PTAR1: variants seen among roughly 807,000 people sequenced by gnomAD.
PTAR1 encodes protein prenyltransferase alpha subunit repeat containing 1.
In PTAR1, 17 loss-of-function variants were observed where a neutral mutation model predicts 45.5. The ratio of observed to expected loss-of-function variants is 0.37; its 90% confidence interval spans 0.26 to 0.56. The LOEUF (loss-of-function observed/expected upper bound fraction) is 0.56, where lower values mean the gene tolerates loss of function less well. Ranked by LOEUF, PTAR1 falls within the 20% of genes least tolerant of loss-of-function variation. PTAR1 has a pLI of 0.77. For synonymous variants in PTAR1, 169 were observed against 171.3 expected (o/e 0.99, Z 0.11); for missense variants, 391 against 476.3 (o/e 0.82, Z 1.67).
intron 5 of PTAR1, among the ~76,000 whole-genome samples, chr9:69,726,869 A>G (rs576531240): frequency 6.6e-6 from 1 of 151,462 alleles, no homozygotes; most frequent in South Asian, 2.1e-4. Context: ...TCTATTTGTC[A>G]TATGTGTTAT....
chr9:69,749,673 A>G (rs975890013), intron 2 of PTAR1, among the ~76,000 whole-genome samples: 2 of 152,108 alleles, frequency 1.3e-5, no homozygotes, highest in Non-Finnish European at 2.9e-5. Context: ...AAAAGGGAAA[A>G]GTGTTATTAA....
At chr9:69,721,928 T>C (rs1312774876) in intron 6 of PTAR1, among the ~76,000 whole-genome samples, 1 of 152,220 alleles carries the variant, frequency 6.6e-6, no homozygotes, top group East Asian at 1.9e-4. Context: ...ACTTTATTGC[T>C]ATATTCACTT....
intron 6 of PTAR1, among the ~76,000 whole-genome samples, chr9:69,720,302 T>C (rs908344553): frequency 6.6e-6 from 1 of 152,200 alleles, no homozygotes; most frequent in Non-Finnish European, 1.5e-5. Flanking sequence ...AACGTTTTAG[T>C]GCTCTGGATA....
At chr9:69,718,950 A>T (rs893711212) in intron 6 of PTAR1, among the ~76,000 whole-genome samples, 1 of 152,198 alleles carries the variant, frequency 6.6e-6, no homozygotes, top group Non-Finnish European at 1.5e-5. Context: ...TACTGAGATG[A>T]CAATGACTTG....
At chr9:69,727,318 CCCA>C (rs770309462) in intron 5 of PTAR1, among the ~76,000 whole-genome samples, 3 of 152,044 alleles carry the variant, frequency 2.0e-5, no homozygotes, top group Admixed American at 6.6e-5. Context: ...CTCCCTGTTC[CCCA>C]CCACAACCCC....
chr9:69,741,818 TG>T lies in PTAR1; in HGVS notation c.296del (p.Pro99GlnfsTer9). 1 of 1,601,998 alleles carries T rather than the reference TG, an allele frequency of 6.2e-7. No homozygotes were observed. The highest frequency in any genetic ancestry group is 1.1e-5 in the South Asian group (1 of 88,662). The stretch of plus-strand genomic sequence containing the variant: ...TCACGTTCCATGCAGTGGTAAAGTC[TG>T]GGTTTAGAAGCAGCAGGGTACATGT... ...DVTCTLLLLN[P>X]DFTTAWNVRK... On this transcript the variant is annotated frameshift_variant, in exon 3 of 8. Coordinates refer to ENST00000340434, the MANE Select transcript of PTAR1 (RefSeq NM_001099666.2). LOFTEE classifies it high-confidence loss of function.
chr9:69,726,158 A>T (rs1421636829), intron 5 of PTAR1, among the ~76,000 whole-genome samples: 1 of 152,154 alleles, frequency 6.6e-6, no homozygotes, highest in East Asian at 1.9e-4. Context: ...TAAAAAAGCA[A>T]ACAAAAATCA....
chr9:69,741,680 A>C (rs1219690251), intron 3 of PTAR1, 112 bp downstream of exon 3: 1 of 691,874 alleles, frequency 1.4e-6, no homozygotes, highest in Non-Finnish European at 2.5e-6. Context: ...AGGGAGAAGA[A>C]ATAAGTGTAA....
At chr9:69,719,460 C>T (rs914995078) in intron 6 of PTAR1, among the ~76,000 whole-genome samples, 2 of 152,146 alleles carry the variant, frequency 1.3e-5, no homozygotes, top group Admixed American at 6.6e-5. Context: ...TACATCTCAT[C>T]ATTCACATTA....
intron 6 of PTAR1, among the ~76,000 whole-genome samples, chr9:69,722,618 A>C (rs994795354): frequency 4.0e-5 from 6 of 151,748 alleles, no homozygotes; most frequent in Admixed American, 2.6e-4. Flanking sequence ...ACTGTGCATC[A>C]ATGTGTTGAG....
rs1825956876 is a variant in PTAR1, at chr9:69,739,732, G to A, written c.323+2060C>T. On this transcript the variant is annotated intron_variant, in intron 3 of 7. Transcript: ENST00000340434. ...AAGTTGGTAGTTTGTTGCTCAAAAT[G>A]TACCTATGATTTGATGTCTTTCTAT... Among the ~76,000 whole-genome samples, 3 of 152,144 alleles carry A rather than the reference G, an allele frequency of 2.0e-5. No homozygotes were observed. The South Asian group carries it at 6.2e-4, about 32-fold the overall frequency.
At chr9:69,752,159 A>T (rs971117429) in intron 1 of PTAR1, among the ~76,000 whole-genome samples, 2 of 152,048 alleles carry the variant, frequency 1.3e-5, no homozygotes, top group African/African-American at 4.8e-5. Context: ...AGAATAATGA[A>T]CTGGTTTTCA....
intron 2 of PTAR1, among the ~76,000 whole-genome samples, chr9:69,744,100 G>A (rs1826163702): frequency 6.6e-6 from 1 of 152,110 alleles, no homozygotes; most frequent in African/African-American, 2.4e-5. Context: ...ACAAGGTACT[G>A]GTAAAATGTA....
intron 1 of PTAR1, among the ~76,000 whole-genome samples, chr9:69,753,420 C>G (rs915191388): frequency 4.3e-4 from 65 of 152,090 alleles, no homozygotes; most frequent in African/African-American, 1.5e-3. Flanking sequence ...ACTTCTTGTC[C>G]CTCTAAAAGA....
At chr9:69,755,998 A>T (rs542854648) in intron 1 of PTAR1, among the ~76,000 whole-genome samples, 1 of 152,296 alleles carries the variant, frequency 6.6e-6, no homozygotes, top group South Asian at 2.1e-4. Context: ...TCAGTTAATA[A>T]ACGACAAGCA....
At chr9:69,732,394 T>G (rs1305209302) in intron 4 of PTAR1, 42 bp from the exon 5 acceptor site, 1 of 1,387,466 alleles carries the variant, frequency 7.2e-7, no homozygotes, top group Non-Finnish European at 1.0e-6. Context: ...AGAAAGAACA[T>G]AAACCAGAGA....
intron 1 of PTAR1, chr9:69,758,748 T>C (rs1486393165): frequency 1.1e-5 from 4 of 353,802 alleles, no homozygotes; most frequent in Admixed American, 7.9e-5. Context: ...GTTTGGCAAC[T>C]TTTTTAGGCA....
rs367972588 is a variant in PTAR1, at chr9:69,759,744, C to A, written c.86+109G>T. On this transcript the variant is annotated intron_variant, in intron 1 of 7. Coordinates refer to ENST00000340434, the MANE Select transcript of PTAR1 (RefSeq NM_001099666.2). ...GCTCTGCCTCCTCCCTAGAAGGGCT[C>A]GTGGGCCAGGACCCGCTGTCCGCCC... The A allele has an allele frequency of 1.8e-4, 195 of 1,104,162 alleles. No homozygotes were observed. The African/African-American group carries it at 3.0e-3, about 17-fold the overall frequency. The allele number at this position is 1,104,162 out of a possible 1,614,324, so 68.4% of individuals were successfully genotyped here.
chr9:69,713,270 C>G lies in PTAR1; in HGVS notation c.*5072G>C, dbSNP rs989544950. The stretch of plus-strand genomic sequence containing the variant: ...AGAGTAGAGAAGTCAAAGTTGGGAG[C>G]CTGAGGTTTCCTCTCCCACCTGAGA... On this transcript the variant is annotated 3_prime_UTR_variant, in exon 8 of 8. Transcript: ENST00000340434. The G allele has an allele frequency of 6.6e-6, 1 of 151,642 alleles. No individual in the cohort carries two copies. Among genetic ancestry groups the G allele is most frequent in the East Asian group, 1.9e-4 (1 of 5,182 alleles). The allele number at this position is 151,642 out of a possible 1,614,324, so 9.4% of individuals were successfully genotyped here. A position where few individuals can be genotyped will look rare whatever the true frequency, so the allele number is the denominator to read the frequency against.
Sources: allele counts gnomAD v4.1 joint callset (sites outside exome capture counted in the v4.1 genomes callset), GRCh38; gene constraint gnomAD v4.1.1; transcripts MANE v1.5; gene names NCBI Gene and HGNC (gene_info 2026-07-23, HGNC 2026-07-21).